ABCD3: variants seen among roughly 807,000 people sequenced by gnomAD.
The protein encoded by ABCD3 is ATP binding cassette subfamily D member 3, also known as ATP-binding cassette sub-family D member 3.
ABCD3 carries 41 observed loss-of-function variants against 105.5 expected under a neutral mutation model. The ratio of observed to expected loss-of-function variants is 0.39; its 90% CI spans 0.30 to 0.50. ABCD3 has a LOEUF of 0.50. Among genes scored for constraint, ABCD3 ranks in the 20% least tolerant of loss-of-function variants. The pLI is 0.84. For missense variants in ABCD3, 622 were observed against 806.3 expected (o/e 0.77, Z 2.77); for synonymous variants, 258 against 269.0 (o/e 0.96, Z 0.40).
chr1:94,452,618 C>T lies in ABCD3; in HGVS notation c.111-5989C>T, dbSNP rs141611986. ...GGTATTTATCTAATTTTTGAATAGGCAGTACATTCGCATGGTCTGAAATTT... is the reference window on the plus strand; with the variant it reads ...GGTATTTATCTAATTTTTGAATAGGTAGTACATTCGCATGGTCTGAAATTT... On this transcript the variant is annotated intron_variant, in intron 1 of 22. Transcript: ENST00000370214. 9.2e-5 allele frequency among the ~76,000 whole-genome samples: 14 copies of T among 152,088 alleles called. No individual in the cohort carries two copies. In the East Asian group the frequency reaches 2.3e-3, roughly 25 times the overall value.
At chr1:94,400,300 G>A in the ABCD3 span, among the ~76,000 whole-genome samples, 8 of 151,940 alleles carry the variant, frequency 5.3e-5, no homozygotes, top group Admixed American at 5.2e-4. Flanking sequence ...AGCTACTCAG[G>A]AGGTTGAGGC....
the ABCD3 span, among the ~76,000 whole-genome samples, chr1:94,403,957 A>G: frequency 6.6e-6 from 1 of 152,314 alleles, no homozygotes; most frequent in East Asian, 1.9e-4. Flanking sequence ...TTTTCAGTGG[A>G]CAGAACAAAG....
chr1:94,407,754 G>A, the ABCD3 span, among the ~76,000 whole-genome samples: 8 of 152,318 alleles, frequency 5.3e-5, no homozygotes, highest in East Asian at 1.2e-3. Flanking sequence ...ACTATAGCCT[G>A]TGGACCAAAT....
chr1:94,498,464 C>T (rs1020321161), intron 16 of ABCD3, 138 bp from the exon 17 acceptor site: 4 of 867,878 alleles, frequency 4.6e-6, no homozygotes, highest in Non-Finnish European at 7.4e-6. Context: ...ACTGCTCTAC[C>T]TAATGCTACA....
the ABCD3 span, among the ~76,000 whole-genome samples, chr1:94,387,945 A>G: frequency 2.0e-5 from 3 of 152,172 alleles, no homozygotes; most frequent in South Asian, 2.1e-4. Flanking sequence ...CTGAGCACTT[A>G]TGATACAAAT....
chr1:94,500,965 A>G (rs543701231), intron 20 of ABCD3, among the ~76,000 whole-genome samples: 5 of 152,196 alleles, frequency 3.3e-5, no homozygotes, highest in Non-Finnish European at 7.3e-5. Context: ...GCTGCAAAAT[A>G]ACTTTAAATT....
chr1:94,422,728 C>G lies in ABCD3; in HGVS notation c.110+4140C>G, dbSNP rs775409119. On this transcript the variant is annotated intron_variant, in intron 1 of 22. Transcript: ENST00000370214. ...CGTAATTGACAGGCATTTGGAGATG[C>G]CTAGTACAAACATGAATAGAAACAT... Among the ~76,000 whole-genome samples the G allele has an allele frequency of 4.6e-5, 7 of 152,216 alleles. No individual in the cohort carries two copies. In the South Asian group the frequency reaches 1.5e-3, roughly 32 times the overall value.
chr1:94,517,368 T>C lies in ABCD3; in HGVS notation c.*239T>C. 2.4e-6 allele frequency: 1 copy of C among 421,854 alleles called. No individual in the cohort carries two copies. Among genetic ancestry groups the C allele is most frequent in the Admixed American group, 3.6e-5 (1 of 27,500 alleles). The allele number at this position is 421,854 out of a possible 1,614,324, so 26.1% of individuals were successfully genotyped here. On this transcript the variant is annotated 3_prime_UTR_variant, in exon 23 of 23. Coordinates refer to ENST00000370214, the MANE Select transcript of ABCD3 (RefSeq NM_002858.4). Reference sequence around the variant, plus strand: ...TAATATGTACTAAGAATGTCCTTATTCTTGTGGTTAAAAACCTGCCTAAAT... The same window carrying C: ...TAATATGTACTAAGAATGTCCTTATCCTTGTGGTTAAAAACCTGCCTAAAT...
At chr1:94,505,470 T>G (rs1570833568) in intron 20 of ABCD3, among the ~76,000 whole-genome samples, 1 of 150,644 alleles carries the variant, frequency 6.6e-6, no homozygotes, top group South Asian at 2.1e-4. Context: ...TGCAACAACC[T>G]CACAAAGTGC....
At chr1:94,510,515 G>C (rs1247850493) in intron 21 of ABCD3, among the ~76,000 whole-genome samples, 1 of 152,116 alleles carries the variant, frequency 6.6e-6, no homozygotes, top group Non-Finnish European at 1.5e-5. Context: ...TCTGCTTGGT[G>C]CAGAGCTGAG....
At chr1:94,392,649 C>G in the ABCD3 span, among the ~76,000 whole-genome samples, 1 of 152,106 alleles carries the variant, frequency 6.6e-6, no homozygotes, top group Non-Finnish European at 1.5e-5. Flanking sequence ...ACATCTTTCC[C>G]AATGATGCGG....
rs987899405 is a variant in ABCD3, at chr1:94,455,893, CATTT to C, written c.111-2710_111-2707del. 180 of 1,183,358 alleles carry C rather than the reference CATTT, an allele frequency of 1.5e-4. 1 individual carries two copies. In the South Asian group the frequency reaches 2.5e-3, roughly 16 times the overall value. The allele number at this position is 1,183,358 out of a possible 1,614,324, so 73.3% of individuals were successfully genotyped here. A position where few individuals can be genotyped will look rare whatever the true frequency, so the allele number is the denominator to read the frequency against. On this transcript the variant is annotated intron_variant, in intron 1 of 22. Coordinates refer to ENST00000370214, the MANE Select transcript of ABCD3 (RefSeq NM_002858.4). ...TTTATCTCTAAGTATCAATTTATAA[CATTT>C]ATTAGTGGTAAGCAGTGTGGCATTT...
At chr1:94,507,480 A>T (rs1650424044) in intron 21 of ABCD3, among the ~76,000 whole-genome samples, 1 of 152,046 alleles carries the variant, frequency 6.6e-6, no homozygotes, top group Admixed American at 6.6e-5. Flanking sequence ...TAGCAGCATG[A>T]TTTATAGTCC....
chr1:94,386,123 C>T, the ABCD3 span, among the ~76,000 whole-genome samples: 3 of 151,912 alleles, frequency 2.0e-5, no homozygotes, highest in Non-Finnish European at 4.4e-5. Flanking sequence ...AGAAATTTCC[C>T]ACAGCTGCCA....
chr1:94,386,246 G>A, the ABCD3 span, among the ~76,000 whole-genome samples: 20 of 152,336 alleles, frequency 1.3e-4, no homozygotes, highest in African/African-American at 4.8e-4. Context: ...TTAAACAGTG[G>A]CCTTGAAGGC....
the ABCD3 span, among the ~76,000 whole-genome samples, chr1:94,396,510 G>A: frequency 1.3e-5 from 2 of 152,050 alleles, no homozygotes; most frequent in Non-Finnish European, 2.9e-5. Flanking sequence ...GTCAGTGCCC[G>A]CCCAGGGATA....
Position 94,517,235 on chromosome 1 carries a change from A to T in ABCD3, c.*106A>T. The T allele has an allele frequency of 3.5e-6, 3 of 865,574 alleles. No individual in the cohort carries two copies. The South Asian group carries it at 4.3e-5, about 12-fold the overall frequency. The allele number at this position is 865,574 out of a possible 1,614,324, so 53.6% of individuals were successfully genotyped here. On this transcript the variant is annotated 3_prime_UTR_variant, in exon 23 of 23. Coordinates refer to ENST00000370214, the MANE Select transcript of ABCD3 (RefSeq NM_002858.4). Reference sequence around the variant, plus strand: ...GTTGAGCTTAGTTTTTTTTAAAAAAAAAAACAAAGCAACAAATTAACTAGA... The same window carrying T: ...GTTGAGCTTAGTTTTTTTTAAAAAATAAAACAAAGCAACAAATTAACTAGA...
intron 1 of ABCD3, among the ~76,000 whole-genome samples, chr1:94,431,223 A>G (rs1450989000): frequency 6.6e-6 from 1 of 152,234 alleles, no homozygotes; most frequent in African/African-American, 2.4e-5. Flanking sequence ...AGGTAAAAAT[A>G]TGCGAAAAAG....
intron 20 of ABCD3, 68 bp from the exon 21 acceptor site, chr1:94,506,470 A>C: frequency 1.1e-6 from 1 of 889,602 alleles, no homozygotes; most frequent in Non-Finnish European, 1.9e-6. Context: ...ATTTAACATA[A>C]GTTTGTTTCG....
Sources: gnomAD v4.1 joint callset for allele counts (sites outside exome capture counted in the v4.1 genomes callset) on GRCh38, gnomAD v4.1.1 for gene constraint, MANE v1.5 for transcripts, NCBI Gene and HGNC (gene_info 2026-07-23, HGNC 2026-07-21) for gene names.